VAC14: variants seen among roughly 807,000 people sequenced by gnomAD.
VAC14 encodes VAC14 component of PIKFYVE complex.
VAC14 carries 47 observed loss-of-function variants against 85.3 expected under a neutral mutation model. The ratio of observed to expected loss-of-function variants is 0.55; its 90% CI spans 0.44 to 0.70. The LOEUF is 0.70. Ranked by LOEUF, VAC14 falls within the 30% of genes least tolerant of loss-of-function variation. VAC14 has a pLI of 0.00. For synonymous variants in VAC14, 447 were observed against 430.5 expected (o/e 1.04, Z -0.47); for missense variants, 861 against 1,004.3 (o/e 0.86, Z 1.93).
At chr16:70,799,325 A>G (rs1019498034) in intron 1 of VAC14, among the ~76,000 whole-genome samples, 1 of 152,204 alleles carries the variant, frequency 6.6e-6, no homozygotes, top group Admixed American at 6.5e-5. Flanking sequence ...GTCAGGCATA[A>G]ACAAAAAGCT....
In VAC14 at chr16:70,763,039, C is replaced by A. The variant is rs1018722164; in HGVS notation, c.1161-14G>T. On this transcript the variant is annotated splice_polypyrimidine_tract_variant and intron_variant, in intron 10 of 18. Transcript: ENST00000261776. Reference sequence around the variant, plus strand: ...GCTCTTTCAGTGCTGTGGGTAAGATCGGGAGGGAGAGCAGAGGTGAAGCCC... The same window carrying A: ...GCTCTTTCAGTGCTGTGGGTAAGATAGGGAGGGAGAGCAGAGGTGAAGCCC... 2.5e-6 allele frequency: 4 copies of A among 1,613,916 alleles called. No individual in the cohort carries two copies. Among genetic ancestry groups the A allele is most frequent in the Non-Finnish European group, 3.4e-6 (4 of 1,179,972 alleles).
At chr16:70,785,519 G>GA (rs2034007535) in intron 3 of VAC14, among the ~76,000 whole-genome samples, 183 bp downstream of exon 3, 1 of 152,114 alleles carries the variant, frequency 6.6e-6, no homozygotes, top group Non-Finnish European at 1.5e-5. Context: ...AAAGAGAAAT[G>GA]AAAAAAGGTA....
Position 70,739,074 on chromosome 16 carries a change from G to T in VAC14, c.1528+5349C>A, listed in dbSNP as rs112783525. Among the ~76,000 whole-genome samples, 9 of 152,328 alleles carry T rather than the reference G, an allele frequency of 5.9e-5. 1 individual carries two copies. The highest frequency in any genetic ancestry group is 2.2e-4 in the African/African-American group (9 of 41,576). Reference sequence around the variant, plus strand: ...TGTAATAACTAGGACACAAGCAAAGGCCCCCTTCACATGCAGGGAGCATTT... The same window carrying T: ...TGTAATAACTAGGACACAAGCAAAGTCCCCCTTCACATGCAGGGAGCATTT... On this transcript the variant is annotated intron_variant, in intron 13 of 18. Coordinates refer to ENST00000261776, the MANE Select transcript of VAC14 (RefSeq NM_018052.5).
chr16:70,763,777 G>A (rs2143086086), intron 10 of VAC14, among the ~76,000 whole-genome samples: 1 of 152,350 alleles, frequency 6.6e-6, no homozygotes, highest in Middle Eastern at 3.4e-3. Flanking sequence ...GTGGACTGAA[G>A]TCCTGCGGGT....
intron 12 of VAC14, among the ~76,000 whole-genome samples, chr16:70,749,052 T>A (rs921681801): frequency 2.6e-5 from 4 of 152,182 alleles, no homozygotes; most frequent in African/African-American, 7.2e-5. Context: ...ATATGCGCAA[T>A]GGAGATTTGA....
At chr16:70,718,868 A>G (rs1234669833) in intron 14 of VAC14, among the ~76,000 whole-genome samples, 1 of 152,172 alleles carries the variant, frequency 6.6e-6, no homozygotes, top group Admixed American at 6.5e-5. Context: ...GCCACTTGGA[A>G]GAGACCAAAA....
intron 14 of VAC14, chr16:70,716,857 T>A (rs1378306917): frequency 1.3e-5 from 2 of 152,242 alleles, no homozygotes; most frequent in South Asian, 4.1e-4. Context: ...CACCACCTCC[T>A]CACTGCCTGC....
intron 12 of VAC14, chr16:70,755,293 G>A (rs769066409): frequency 7.6e-6 from 2 of 263,826 alleles, no homozygotes; most frequent in African/African-American, 2.3e-5. Context: ...TGGGAAGGAA[G>A]GTGCAGGAGA....
chr16:70,789,778 G>A (rs2034250381), intron 1 of VAC14, among the ~76,000 whole-genome samples: 1 of 152,148 alleles, frequency 6.6e-6, no homozygotes, highest in African/African-American at 2.4e-5. Flanking sequence ...CAGGATGTGG[G>A]ATGCACCTAG....
chr16:70,784,714 G>A (rs2033967492), intron 4 of VAC14, 62 bp downstream of exon 4: 3 of 1,484,204 alleles, frequency 2.0e-6, no homozygotes, highest in Non-Finnish European at 2.8e-6. Context: ...GAATTTCTAA[G>A]CTTTACAGAC....
intron 13 of VAC14, among the ~76,000 whole-genome samples, chr16:70,741,663 G>T (rs2030324506): frequency 6.6e-6 from 1 of 152,228 alleles, no homozygotes; most frequent in Non-Finnish European, 1.5e-5. Context: ...ACTGGCTGCA[G>T]GCACTTCCTT....
intron 14 of VAC14, among the ~76,000 whole-genome samples, chr16:70,713,810 C>T (rs916365026): frequency 8.6e-5 from 13 of 151,548 alleles, no homozygotes; most frequent in East Asian, 7.8e-4. Context: ...TACTAAAGTG[C>T]TGGGATTCTG....
intron 12 of VAC14, among the ~76,000 whole-genome samples, chr16:70,751,722 G>C (rs1226438956): frequency 6.6e-6 from 1 of 152,156 alleles, no homozygotes; most frequent in Non-Finnish European, 1.5e-5. Context: ...CCCTGGGGGA[G>C]CCATGGGAAG....
intron 7 of VAC14, among the ~76,000 whole-genome samples, chr16:70,782,778 C>A (rs550502864): frequency 2.0e-5 from 3 of 152,344 alleles, no homozygotes; most frequent in South Asian, 4.1e-4. Flanking sequence ...AGGAAACCTC[C>A]AGATCTTACT....
rs3833084 is a variant in VAC14 at position 70,687,524 on chromosome 16, TACAC to T, written c.*400_*403del. 3.8e-3 allele frequency: 586 copies of T among 153,804 alleles called. 1 individual carries two copies. The highest frequency in any genetic ancestry group is 0.013 in the Middle Eastern group (4 of 316). The allele number at this position is 153,804 out of a possible 1,614,324, so 9.5% of individuals were successfully genotyped here. A position where few individuals can be genotyped will look rare whatever the true frequency, so the allele number is the denominator to read the frequency against. On this transcript the variant is annotated 3_prime_UTR_variant, in exon 19 of 19. Transcript: ENST00000261776. The stretch of plus-strand genomic sequence containing the variant: ...GTGCTGGTGCCTACGTGCATACAAG[TACAC>T]ACACACACACACACACACAGGCATG...
At chr16:70,700,911 G>A (rs954428145) in intron 14 of VAC14, among the ~76,000 whole-genome samples, 1 of 152,210 alleles carries the variant, frequency 6.6e-6, no homozygotes, top group Non-Finnish European at 1.5e-5. Flanking sequence ...GCCGGCAGGC[G>A]GGACCTGTGG....
intron 1 of VAC14, among the ~76,000 whole-genome samples, chr16:70,790,202 C>T (rs879691263): frequency 1.4e-4 from 21 of 152,122 alleles, no homozygotes; most frequent in Non-Finnish European, 2.6e-4. Flanking sequence ...CCCGTGTCTG[C>T]CAGGCAGGGA....
chr16:70,694,375 C>G (rs376667251), intron 17 of VAC14, among the ~76,000 whole-genome samples: 1 of 152,204 alleles, frequency 6.6e-6, no homozygotes, highest in African/African-American at 2.4e-5. Context: ...GGAAGTGTCA[C>G]GCTGGGCACA....
At chr16:70,794,671 A>C (rs370422731) in intron 1 of VAC14, among the ~76,000 whole-genome samples, 4 of 152,214 alleles carry the variant, frequency 2.6e-5, no homozygotes, top group East Asian at 3.8e-4. Flanking sequence ...TTCACTGTGA[A>C]ATTTCTCAAT....
Sources: gnomAD v4.1 joint callset for allele counts (sites outside exome capture counted in the v4.1 genomes callset) on GRCh38, gnomAD v4.1.1 for gene constraint, MANE v1.5 for transcripts, NCBI Gene and HGNC (gene_info 2026-07-23, HGNC 2026-07-21) for gene names.